SUGCT: variants seen among roughly 807,000 people sequenced by gnomAD.
SUGCT encodes the protein succinyl-CoA:glutarate-CoA transferase.
In SUGCT, 41 loss-of-function variants were observed where a neutral mutation model predicts 55.0. The observed-to-expected ratio is 0.74, with a 90% confidence interval of 0.58 to 0.97. The LOEUF (loss-of-function observed/expected upper bound fraction) is 0.97. SUGCT is among the 50% of genes least tolerant of loss of function. The pLI is 0.00. For missense variants in SUGCT, 568 were observed against 547.8 expected (o/e 1.04, Z -0.37); for synonymous variants, 187 against 200.4 (o/e 0.93, Z 0.56).
the SUGCT span, among the ~76,000 whole-genome samples, chr7:40,897,529 G>C: frequency 6.6e-6 from 1 of 151,826 alleles, no homozygotes; most frequent in Admixed American, 6.6e-5. Context: ...AACCATTCAG[G>C]GATAGGATCC....
At position 40,806,440 on chromosome 7, in the gene SUGCT, T is replaced by C. The variant is rs1791095716; in HGVS notation, c.1154-53876T>C. Among the ~76,000 whole-genome samples, 4 of 152,182 alleles carry C rather than the reference T, an allele frequency of 2.6e-5. No homozygotes were observed. The South Asian group carries it at 8.3e-4, about 32-fold the overall frequency. On this transcript the variant is annotated intron_variant, in intron 13 of 13. Coordinates refer to ENST00000335693, the MANE Select transcript of SUGCT (RefSeq NM_001193313.2). ...AGTGTTCCCTTCTCAACCATTATCA[T>C]TGTAATCTTCCCTGTCAACCTGATT...
the SUGCT span, among the ~76,000 whole-genome samples, chr7:40,886,749 C>T: frequency 6.6e-6 from 1 of 152,160 alleles, no homozygotes; most frequent in Non-Finnish European, 1.5e-5. Context: ...TTTGGAGATA[C>T]CCATGTTGGT....
the SUGCT span, among the ~76,000 whole-genome samples, chr7:40,923,857 G>C: frequency 6.6e-6 from 1 of 152,160 alleles, no homozygotes; most frequent in African/African-American, 2.4e-5. Context: ...ACTGTGAATA[G>C]AAACATTTCC....
At chr7:40,535,781 C>G (rs1655020914) in intron 12 of SUGCT, among the ~76,000 whole-genome samples, 1 of 152,166 alleles carries the variant, frequency 6.6e-6, no homozygotes, top group Non-Finnish European at 1.5e-5. Flanking sequence ...AGGTGATCCA[C>G]CCGCCTTGAC....
chr7:40,488,733 T>C (rs1483597638), intron 11 of SUGCT, among the ~76,000 whole-genome samples: 2 of 152,198 alleles, frequency 1.3e-5, no homozygotes, highest in Non-Finnish European at 2.9e-5. Flanking sequence ...ACATGCTGGG[T>C]ACAGTATTCC....
intron 9 of SUGCT, among the ~76,000 whole-genome samples, chr7:40,341,421 A>G (rs761340946): frequency 3.9e-5 from 6 of 152,182 alleles, no homozygotes; most frequent in Non-Finnish European, 8.8e-5. Flanking sequence ...ATAGAGAAAA[A>G]AAAAGTGTAG....
At chr7:40,825,825 C>A (rs1792284316) in intron 13 of SUGCT, among the ~76,000 whole-genome samples, 1 of 152,098 alleles carries the variant, frequency 6.6e-6, no homozygotes, top group South Asian at 2.1e-4. Flanking sequence ...CTAAAAAAGC[C>A]CCCATGGCAT....
At chr7:40,822,709 C>T (rs942310301) in intron 13 of SUGCT, among the ~76,000 whole-genome samples, 1 of 152,108 alleles carries the variant, frequency 6.6e-6, no homozygotes, top group Admixed American at 6.6e-5. Context: ...CTGTTTTTTA[C>T]CTTACTCACA....
intron 12 of SUGCT, among the ~76,000 whole-genome samples, chr7:40,631,504 A>G (rs1261536708): frequency 6.6e-6 from 1 of 152,190 alleles, no homozygotes; most frequent in African/African-American, 2.4e-5. Flanking sequence ...TTTCCCTACA[A>G]ATTGGTAAAA....
At chr7:40,672,044 T>C (rs1402849442) in intron 12 of SUGCT, among the ~76,000 whole-genome samples, 6 of 152,166 alleles carry the variant, frequency 3.9e-5, no homozygotes, top group African/African-American at 9.6e-5. Flanking sequence ...ATATACCCAA[T>C]TGATTTTTGA....
intron 12 of SUGCT, among the ~76,000 whole-genome samples, chr7:40,705,525 A>C (rs1007211285): frequency 1.3e-5 from 2 of 151,640 alleles, no homozygotes; most frequent in African/African-American, 4.9e-5. Context: ...TACAAATCCC[A>C]TTTTTGACAC....
intron 12 of SUGCT, among the ~76,000 whole-genome samples, chr7:40,664,519 C>T (rs1025655598): frequency 6.6e-6 from 1 of 152,084 alleles, no homozygotes; most frequent in African/African-American, 2.4e-5. Flanking sequence ...CAGTAAGCTT[C>T]CCTGAAGAAC....
intron 6 of SUGCT, among the ~76,000 whole-genome samples, chr7:40,232,317 A>C (rs1468912044): frequency 2.0e-5 from 3 of 152,194 alleles, no homozygotes; most frequent in Non-Finnish European, 4.4e-5. Context: ...AGTTGTTTTG[A>C]TAATTGAGGT....
the SUGCT span, among the ~76,000 whole-genome samples, chr7:40,915,746 C>CATTAATTCAATGA: frequency 9.2e-6 from 1 of 108,970 alleles, no homozygotes; most frequent in Non-Finnish European, 1.8e-5. Flanking sequence ...TGTGTGCATT[C>CATTAATTCAATGA]ATTAATTCAG....
intron 1 of SUGCT, among the ~76,000 whole-genome samples, chr7:40,151,907 T>C (rs1204201997): frequency 6.6e-6 from 1 of 151,882 alleles, no homozygotes; most frequent in East Asian, 1.9e-4. Context: ...GGGTAGGGAG[T>C]GCTGATTGGA....
At chr7:40,870,658 G>A in the SUGCT span, among the ~76,000 whole-genome samples, 1 of 152,078 alleles carries the variant, frequency 6.6e-6, no homozygotes, top group Non-Finnish European at 1.5e-5. Context: ...TTTTGCCCAC[G>A]AATTTTAGCA....
intron 12 of SUGCT, among the ~76,000 whole-genome samples, chr7:40,575,325 G>A (rs1049968572): frequency 3.3e-5 from 5 of 151,716 alleles, no homozygotes; most frequent in African/African-American, 9.7e-5. Flanking sequence ...TCTTACCAAC[G>A]TTATTTAAAA....
At chr7:40,889,016 C>T in the SUGCT span, among the ~76,000 whole-genome samples, 25 of 152,210 alleles carry the variant, frequency 1.6e-4, no homozygotes, top group Non-Finnish European at 3.1e-4. Context: ...TTTTCTTTGA[C>T]TGATTTTCTT....
intron 13 of SUGCT, among the ~76,000 whole-genome samples, chr7:40,787,760 C>T (rs190095099): frequency 2.7e-5 from 4 of 147,058 alleles, no homozygotes; most frequent in East Asian, 2.1e-4. Context: ...AATGTTTAGA[C>T]AGTAACCTCC....
Sources: gnomAD v4.1 joint callset for allele counts (sites outside exome capture counted in the v4.1 genomes callset) on GRCh38, gnomAD v4.1.1 for gene constraint, MANE v1.5 for transcripts, NCBI Gene and HGNC (gene_info 2026-07-23, HGNC 2026-07-21) for gene names.